The following RCOR1 variants were observed in gnomAD, a reference collection of about 807,000 sequenced individuals.
The protein encoded by RCOR1 is REST corepressor.
In RCOR1, 12 loss-of-function variants were observed where a neutral mutation model predicts 64.0. That is an observed-to-expected ratio of 0.19 (90% CI 0.12 to 0.30). The LOEUF (loss-of-function observed/expected upper bound fraction) is 0.30. Ranked by LOEUF, RCOR1 falls within the 10% of genes least tolerant of loss-of-function variation. The probability of loss-of-function intolerance (pLI) is 1.00; values close to 1 mark genes in which losing one functional copy is unlikely to be tolerated. For missense variants in RCOR1, 502 were observed against 621.2 expected, an observed-to-expected ratio of 0.81 and a Z score of 2.04; for synonymous variants, 279 against 227.2, an observed-to-expected ratio of 1.23 and a Z score of -2.05.
intron 2 of RCOR1, among the ~76,000 whole-genome samples, chr14:102,602,448 G>C (rs1032719158): frequency 6.9e-6 from 1 of 145,962 alleles, no homozygotes; most frequent in Non-Finnish European, 1.5e-5. Context: ...TGTTCCCCAG[G>C]CTAGAAATGC....
intron 2 of RCOR1, among the ~76,000 whole-genome samples, chr14:102,647,842 T>C (rs1313594159): frequency 4.1e-5 from 6 of 148,044 alleles, no homozygotes; most frequent in East Asian, 4.1e-4. Context: ...CCACACCTGG[T>C]TAATTTTTGT....
At chr14:102,642,713 A>G (rs1032961610) in intron 2 of RCOR1, among the ~76,000 whole-genome samples, 3 of 152,062 alleles carry the variant, frequency 2.0e-5, no homozygotes, top group Admixed American at 6.6e-5. Flanking sequence ...GCACATGCCT[A>G]TGGTCCCAGG....
At chr14:102,668,757 T>C (rs933177865) in intron 2 of RCOR1, among the ~76,000 whole-genome samples, 5 of 152,188 alleles carry the variant, frequency 3.3e-5, no homozygotes, top group African/African-American at 1.2e-4. Flanking sequence ...GCATTTATTA[T>C]CATGGAGGAT....
chr14:102,631,770 T>G (rs566761236), intron 2 of RCOR1, among the ~76,000 whole-genome samples: 9 of 152,274 alleles, frequency 5.9e-5, no homozygotes, highest in Admixed American at 4.6e-4. Context: ...CAACTCTTCT[T>G]TTCTGTTCTG....
chr14:102,604,164 C>T (rs746667673), intron 2 of RCOR1, among the ~76,000 whole-genome samples: 1 of 151,986 alleles, frequency 6.6e-6, no homozygotes, highest in African/African-American at 2.4e-5. Flanking sequence ...CTCATTTTGG[C>T]CTGCTATTAG....
intron 3 of RCOR1, among the ~76,000 whole-genome samples, chr14:102,682,732 A>AT (rs1482444590): frequency 6.6e-6 from 1 of 152,192 alleles, no homozygotes; most frequent in Non-Finnish European, 1.5e-5. Context: ...AATACTGAGC[A>AT]TTTTTTGAAC....
chr14:102,712,951 T>G (rs1027257570), intron 7 of RCOR1, among the ~76,000 whole-genome samples: 3 of 91,336 alleles, frequency 3.3e-5, no homozygotes, highest in Middle Eastern at 5.5e-3. Context: ...ATCATTGTTT[T>G]TTTTTTTTTT....
intron 8 of RCOR1, among the ~76,000 whole-genome samples, chr14:102,719,534 A>G (rs1305914926): frequency 6.6e-6 from 1 of 152,178 alleles, no homozygotes; most frequent in Non-Finnish European, 1.5e-5. Context: ...TTTGCTCAGA[A>G]TGATGGTTTC....
At chr14:102,625,128 G>T (rs1893953986) in intron 2 of RCOR1, among the ~76,000 whole-genome samples, 1 of 151,968 alleles carries the variant, frequency 6.6e-6, no homozygotes, top group South Asian at 2.1e-4. Flanking sequence ...TCTTGCCTGG[G>T]CCTCCCAAAG....
At chr14:102,705,235 C>T (rs1359809833) in intron 4 of RCOR1, among the ~76,000 whole-genome samples, 2 of 152,126 alleles carry the variant, frequency 1.3e-5, no homozygotes, top group Admixed American at 1.3e-4. Context: ...TTTCGAATCT[C>T]TCCCCTACCT....
intron 2 of RCOR1, among the ~76,000 whole-genome samples, chr14:102,632,374 C>T (rs1595203435): frequency 1.3e-5 from 2 of 151,328 alleles, no homozygotes; most frequent in Admixed American, 6.6e-5. Flanking sequence ...CCCACCACCA[C>T]GCCCGGCTCA....
At chr14:102,696,808 C>CTTT (rs71305075) in intron 3 of RCOR1, among the ~76,000 whole-genome samples, 773 of 57,146 alleles carry the variant, frequency 0.014, 1 homozygote, top group African/African-American at 0.019. Flanking sequence ...ATCTGCTTAT[C>CTTT]TTTTTTTTTT....
At chr14:102,707,605 A>G in intron 5 of RCOR1, 93 bp downstream of exon 5, 2 of 1,053,576 alleles carry the variant, frequency 1.9e-6, no homozygotes, top group Non-Finnish European at 1.4e-6. Context: ...ACTCAAACAT[A>G]AATATTCCCA....
Position 102,683,493 on chromosome 14 carries a change from C to T in RCOR1, c.445+1515C>T, listed in dbSNP as rs954499255. ...GGAAAAGAAGCCAGAGCAGCGCCAG[C>T]GTGGAGGCCACCTGGGCGCAGGTCC... On this transcript the variant is annotated intron_variant, in intron 3 of 11. Transcript: ENST00000262241. Among the ~76,000 whole-genome samples, 21 of 152,348 alleles carry T rather than the reference C, an allele frequency of 1.4e-4. 1 individual carries two copies. The highest frequency in any genetic ancestry group is 3.4e-3 in the Middle Eastern group (1 of 294).
intron 2 of RCOR1, chr14:102,659,378 G>A (rs1386189610): frequency 1.9e-6 from 1 of 517,794 alleles, no homozygotes; most frequent in South Asian, 8.4e-5. Flanking sequence ...TATTCTGGTG[G>A]TGGGTAACAA....
chr14:102,610,156 C>G (rs1432264237), intron 2 of RCOR1, among the ~76,000 whole-genome samples: 1 of 151,748 alleles, frequency 6.6e-6, no homozygotes, highest in African/African-American at 2.4e-5. Context: ...AGAAATCGTC[C>G]TTTAAGTCAA....
At chr14:102,612,959 A>G (rs1322158979) in intron 2 of RCOR1, among the ~76,000 whole-genome samples, 4 of 121,706 alleles carry the variant, frequency 3.3e-5, no homozygotes, top group Admixed American at 3.1e-4. Flanking sequence ...ATCTCTTAGC[A>G]AAAAAAAAAA....
intron 3 of RCOR1, among the ~76,000 whole-genome samples, chr14:102,698,253 A>C (rs1011419492): frequency 6.6e-6 from 1 of 152,196 alleles, no homozygotes; most frequent in Non-Finnish European, 1.5e-5. Flanking sequence ...TTGTAGCTAA[A>C]TCTGGTTGCA....
intron 2 of RCOR1, among the ~76,000 whole-genome samples, chr14:102,597,101 G>T (rs1489481010): frequency 1.4e-5 from 2 of 147,440 alleles, no homozygotes; most frequent in African/African-American, 5.0e-5. Flanking sequence ...TTGAACTCCT[G>T]ACCTCAGGTG....
Sources: allele counts gnomAD v4.1 joint callset (sites outside exome capture counted in the v4.1 genomes callset), GRCh38; gene constraint gnomAD v4.1.1; transcripts MANE v1.5; gene names NCBI Gene and HGNC (gene_info 2026-07-23, HGNC 2026-07-21).